TLE6: variants seen among roughly 807,000 people sequenced by gnomAD.
TLE6 encodes TLE family member 6, subcortical maternal complex member.
In TLE6, 72 loss-of-function variants were observed where a neutral mutation model predicts 77.1. The ratio of observed to expected loss-of-function variants is 0.93; its 90% confidence interval spans 0.77 to 1.14. TLE6 has a LOEUF of 1.14. Ranked by LOEUF, TLE6 falls within the 50% of genes most tolerant of loss-of-function variation. The probability of loss-of-function intolerance (pLI) is 0.00; values close to 1 mark genes in which losing one functional copy is unlikely to be tolerated. For missense variants in TLE6, 843 were observed against 747.6 expected, an observed-to-expected ratio of 1.13 and a Z score of -1.49; for synonymous variants, 366 against 287.3, an observed-to-expected ratio of 1.27 and a Z score of -2.77.
chr19:2,992,084 C>T (rs2089080795), intron 14 of TLE6, 100 bp downstream of exon 14: 3 of 1,466,060 alleles, frequency 2.0e-6, no homozygotes, highest in Non-Finnish European at 2.8e-6. Flanking sequence ...GCCTATAATC[C>T]TAGCACTTTG....
rs200025408 is a variant in TLE6, at chr19:2,994,047, C to T, written c.1566C>T (p.Asp522=). ...AGTGGTGGGCAAGCGTTGGAATGGA[C>T]GACTTCCTTGGCGTCTACAGCATGC... ...FGQWWASVGM[D]DFLGVYSMPA... is the part of the protein sequence containing the mutation. Residue 522 remains aspartate (D), a synonymous_variant, in exon 16 of 17, where the codon GAC becomes GAT. Transcript: ENST00000246112. 2.3e-5 allele frequency: 37 copies of T among 1,607,892 alleles called. No homozygotes were observed. Among genetic ancestry groups the T allele is most frequent in the East Asian group, 2.0e-4 (9 of 44,704 alleles).
Position 2,987,379 on chromosome 19 carries a change from AAAC to A in TLE6, c.558+11_558+13del, listed in dbSNP as rs773106808. The A allele has an allele frequency of 1.2e-6, 2 of 1,613,526 alleles. No individual in the cohort carries two copies. Among genetic ancestry groups the A allele is most frequent in the South Asian group, 1.1e-5 (1 of 91,050 alleles). ...AGAGCAGGCACCAGGCCTGGTGAGT[AAAC>A]AACCTCAGCTCTATCCAGAGGGGTG... On this transcript the variant is annotated splice_region_variant and intron_variant, in intron 8 of 16. Transcript: ENST00000246112.
rs1256116687 is a variant in TLE6, at chr19:2,987,138, C to T, written c.441C>T (p.Phe147=). 6.2e-7 allele frequency: 1 copy of T among 1,614,082 alleles called. No individual in the cohort carries two copies. Among genetic ancestry groups the T allele is most frequent in the South Asian group, 1.1e-5 (1 of 91,078 alleles). The change falls in exon 7 of 17, where the codon TTC becomes TTT. Residue 147 remains phenylalanine (F), a synonymous_variant. Coordinates refer to ENST00000246112, the MANE Select transcript of TLE6 (RefSeq NM_001143986.2). ...GEDNQPETQL[F]WDKEPWFWHD... is the part of the protein sequence containing the mutation. ...ACAATCAGCCGGAGACCCAGCTGTT[C>T]TGGGACAAGGAGCCTTGGTTTTGGC...
At chr19:2,992,608 A>AAAAAAT (rs1420397566) in intron 14 of TLE6, among the ~76,000 whole-genome samples, 1 of 151,700 alleles carries the variant, frequency 6.6e-6, no homozygotes, top group Non-Finnish European at 1.5e-5. Flanking sequence ...CTGTTTCTAC[A>AAAAAAT]AAAAATAAAA....
chr19:2,982,718 G>A (rs1015302426), intron 5 of TLE6, among the ~76,000 whole-genome samples: 1 of 151,996 alleles, frequency 6.6e-6, no homozygotes, highest in African/African-American at 2.4e-5. Flanking sequence ...CGTGATATTA[G>A]TGGAGGCCCC....
intron 15 of TLE6, 117 bp downstream of exon 15, chr19:2,993,699 C>A: frequency 7.6e-7 from 1 of 1,323,156 alleles, no homozygotes; most frequent in Non-Finnish European, 1.0e-6. Flanking sequence ...CCTTCTGTAG[C>A]AGAAACCAAT....
At position 2,987,798 on chromosome 19, in the gene TLE6, C is replaced by T. The variant is rs2088949168; in HGVS notation, c.625+8C>T. On this transcript the variant is annotated splice_region_variant and intron_variant, in intron 9 of 16. Coordinates refer to ENST00000246112, the MANE Select transcript of TLE6 (RefSeq NM_001143986.2). ...GTCCTGAAGATGCCTCCAGTAATCCCAGCGGGCAGGGGCCGACCGACTCCA... is the reference window on the plus strand; with the variant it reads ...GTCCTGAAGATGCCTCCAGTAATCCTAGCGGGCAGGGGCCGACCGACTCCA... 5 of 1,614,162 alleles carry T rather than the reference C, an allele frequency of 3.1e-6. No individual in the cohort carries two copies. Among genetic ancestry groups the T allele is most frequent in the Non-Finnish European group, 4.2e-6 (5 of 1,180,020 alleles).
Position 2,986,984 on chromosome 19 carries a change from T to C in TLE6, c.287T>C (p.Val96Ala), listed in dbSNP as rs1366181019. 1 of 1,610,064 alleles carries C rather than the reference T, an allele frequency of 6.2e-7. No individual in the cohort carries two copies. The highest frequency in any genetic ancestry group is 1.1e-5 in the South Asian group (1 of 90,684). The part of the protein sequence containing the change: ...SQLQGFQSEE[V>A]SPAEPASPGT... ...ACTGCCTTGTTCCTGCCGGGCCAGG[T>C]CTCACCTGCTGAACCAGCCAGCCCT... The change falls in exon 7 of 17, where the codon GTC (valine) becomes GCC (alanine). Residue 96 changes from valine to alanine, a missense_variant and splice_region_variant. Val to Ala is a moderately conservative substitution (Grantham distance 64, BLOSUM62 0). Coordinates refer to ENST00000246112, the MANE Select transcript of TLE6 (RefSeq NM_001143986.2).
At position 2,993,528 on chromosome 19, in the gene TLE6, C is replaced by T. The variant is rs533155876; in HGVS notation, c.1483C>T (p.His495Tyr). The T allele has an allele frequency of 6.3e-7, 1 of 1,591,358 alleles. No homozygotes were observed. Among genetic ancestry groups the T allele is most frequent in the Non-Finnish European group, 8.6e-7 (1 of 1,162,694 alleles). The change falls in exon 15 of 17, where the codon CAC (histidine) becomes TAC (tyrosine). Residue 495 changes from histidine to tyrosine, a missense_variant. Physicochemically the swap from His to Tyr is moderately conservative, Grantham distance 83. Coordinates refer to ENST00000246112, the MANE Select transcript of TLE6 (RefSeq NM_001143986.2). ...GCAAAGCACCAGCGGGAGCCAGCGG[C>T]ACATGGTGGGGCAAAAAGACAGCGT... ...WLQSTSGSQR[H>Y]MVGQKDSVIL... is the part of the protein sequence containing the mutation.
At chr19:2,985,362 T>C (rs2088884591) in intron 5 of TLE6, among the ~76,000 whole-genome samples, 1 of 149,546 alleles carries the variant, frequency 6.7e-6, no homozygotes, top group South Asian at 2.1e-4. Flanking sequence ...CTTCCTCACC[T>C]AGGGAGACCT....
In TLE6 at chr19:2,993,430, A is replaced by G. The variant is rs2089130251; in HGVS notation, c.1387-2A>G. On this transcript the variant is annotated splice_acceptor_variant, in intron 14 of 16. Coordinates refer to ENST00000246112, the MANE Select transcript of TLE6 (RefSeq NM_001143986.2). LOFTEE classifies it high-confidence loss of function. ...CCTCCCTCCCCACTGCCCATTACCT[A>G]GATAATGAGCCTGTCCCACAGCCCC... 1.3e-6 allele frequency: 2 copies of G among 1,599,776 alleles called. No homozygotes were observed. Among genetic ancestry groups the G allele is most frequent in the Non-Finnish European group, 1.7e-6 (2 of 1,169,328 alleles).
intron 2 of TLE6, 43 bp from the exon 3 acceptor site, chr19:2,980,057 G>A (rs1465150487): frequency 1.3e-6 from 2 of 1,501,482 alleles, no homozygotes; most frequent in Non-Finnish European, 1.8e-6. Context: ...CTTGGGTGTT[G>A]GAGCATTGTA....
At chr19:2,992,145 G>A (rs1353022065) in intron 14 of TLE6, among the ~76,000 whole-genome samples, 161 bp downstream of exon 14, 1 of 152,056 alleles carries the variant, frequency 6.6e-6, no homozygotes, top group Non-Finnish European at 1.5e-5. Context: ...AGACCAGCGT[G>A]GCCAACATAG....
At chr19:2,980,536 G>C (rs2145016159) in intron 3 of TLE6, 1 of 177,930 alleles carries the variant, frequency 5.6e-6, no homozygotes, top group Non-Finnish European at 1.2e-5. Flanking sequence ...AGGAGATCAA[G>C]ATCAGCCTGG....
chr19:2,981,082 G>A (rs996485336), intron 3 of TLE6, among the ~76,000 whole-genome samples: 3 of 151,710 alleles, frequency 2.0e-5, no homozygotes, highest in South Asian at 4.2e-4. Context: ...GTGGCGGGGC[G>A]CGGTGGCTCA....
Position 2,993,443 on chromosome 19 carries a change from G to T in TLE6, c.1398G>T (p.Leu466=), listed in dbSNP as rs200869544. ...TGCCCATTACCTAGATAATGAGCCT[G>T]TCCCACAGCCCCCAGGAGGACTGGG... ...EYQFKSQIMS[L]SHSPQEDWVL... is the part of the protein sequence containing the mutation. Residue 466 remains leucine, a synonymous_variant, in exon 15 of 17, where the codon CTG becomes CTT. Transcript: ENST00000246112. 2 of 1,601,650 alleles carry T rather than the reference G, an allele frequency of 1.2e-6. No individual in the cohort carries two copies. Among genetic ancestry groups the T allele is most frequent in the Admixed American group, 3.4e-5 (2 of 59,552 alleles).
At position 2,989,142 on chromosome 19, in the gene TLE6, G is replaced by A. The variant is rs569545270; in HGVS notation, c.822G>A (p.Pro274=). 33 of 1,614,142 alleles carry A rather than the reference G, an allele frequency of 2.0e-5. No homozygotes were observed. Among genetic ancestry groups the A allele is most frequent in the African/African-American group, 9.3e-5 (7 of 75,076 alleles). ...GGCAGTCAAAGAGACTCGCCGTCCC[G>A]TGCAAACTGGAAAAGATGCGGATCT... ...LPGQSKRLAV[P]CKLEKMRILA... is the part of the protein sequence containing the mutation. The change falls in exon 12 of 17, where the codon CCG becomes CCA. Residue 274 remains proline (P), a synonymous_variant. Coordinates refer to ENST00000246112, the MANE Select transcript of TLE6 (RefSeq NM_001143986.2).
intron 14 of TLE6, among the ~76,000 whole-genome samples, chr19:2,993,147 C>T (rs943580099): frequency 5.9e-5 from 9 of 151,556 alleles, no homozygotes; most frequent in African/African-American, 1.7e-4. Context: ...AGGAGGCAGA[C>T]GTTGTCGTAA....
intron 15 of TLE6, 90 bp downstream of exon 15, chr19:2,993,672 C>A: frequency 6.9e-7 from 1 of 1,456,948 alleles, no homozygotes. Flanking sequence ...ACCCAACCCT[C>A]TAGGACACCT....
Sources: allele counts gnomAD v4.1 joint callset (sites outside exome capture counted in the v4.1 genomes callset), GRCh38; gene constraint gnomAD v4.1.1; transcripts MANE v1.5; gene names NCBI Gene and HGNC (gene_info 2026-07-23, HGNC 2026-07-21).